KIAA1755: variants seen among roughly 807,000 people sequenced by gnomAD.
The protein encoded by KIAA1755 is KIAA1755.
A neutral mutation model predicts 91.7 loss-of-function variants in KIAA1755; 68 were observed. The ratio of observed to expected loss-of-function variants is 0.74; its 90% CI spans 0.61 to 0.91. The LOEUF is 0.91. KIAA1755 is among the 40% of genes least tolerant of loss of function. The pLI is 0.00. For synonymous variants in KIAA1755, 610 were observed against 604.6 expected, an observed-to-expected ratio of 1.01 and a Z score of -0.13; for missense variants, 1,535 against 1,494.4, an observed-to-expected ratio of 1.03 and a Z score of -0.45.
chr20:38,259,817 CCACCACACACACACACA>C (rs2076410521), intron 1 of KIAA1755, among the ~76,000 whole-genome samples: 1 of 116,236 alleles, frequency 8.6e-6, no homozygotes, highest in East Asian at 2.5e-4. Context: ...GCCACCACCA[CCACCACACACACACACA>C]CACACACACA....
intron 1 of KIAA1755, 113 bp downstream of exon 1, chr20:38,260,385 G>A: frequency 1.2e-6 from 2 of 1,602,112 alleles, no homozygotes; most frequent in Non-Finnish European, 1.7e-6. Context: ...AGGCACTGAG[G>A]GTCGTCTCAG....
Position 38,228,046 on chromosome 20 carries a change from TC to T in KIAA1755, c.1965+100del, listed in dbSNP as rs2075791942. 12 of 741,322 alleles carry T rather than the reference TC, an allele frequency of 1.6e-5. No individual in the cohort carries two copies. The Admixed American group carries it at 3.9e-4, about 24-fold the overall frequency. The allele number at this position is 741,322 out of a possible 1,614,324, so 45.9% of individuals were successfully genotyped here. A position where few individuals can be genotyped will look rare whatever the true frequency, so the allele number is the denominator to read the frequency against. On this transcript the variant is annotated intron_variant, in intron 6 of 13. Transcript: ENST00000279024. ...TGCAGTAAAAGTCCCTGCCTGAGAGTCCTGGTCCCAGCCTTAAGCACCCCCG... is the reference window on the plus strand; with the variant it reads ...TGCAGTAAAAGTCCCTGCCTGAGAGTCTGGTCCCAGCCTTAAGCACCCCCG...
At chr20:38,237,318 T>C (rs1247187723) in intron 4 of KIAA1755, among the ~76,000 whole-genome samples, 1 of 151,798 alleles carries the variant, frequency 6.6e-6, no homozygotes, top group African/African-American at 2.4e-5. Flanking sequence ...ACTAGCACCA[T>C]TGGGACCCCC....
intron 1 of KIAA1755, among the ~76,000 whole-genome samples, chr20:38,259,738 G>T (rs142312899): frequency 0.035 from 5,291 of 151,140 alleles, 138 homozygotes; most frequent in African/African-American, 0.063. Flanking sequence ...CTGGAGCTGG[G>T]CTGAAATCCT....
intron 7 of KIAA1755, among the ~76,000 whole-genome samples, chr20:38,226,847 G>A (rs2179429): frequency 0.035 from 5,377 of 152,256 alleles, 158 homozygotes; most frequent in Non-Finnish European, 0.053. Context: ...AAAGGGAGGA[G>A]GGATGGACCA....
intron 4 of KIAA1755, chr20:38,236,792 G>A (rs568501881): frequency 2.0e-4 from 31 of 152,332 alleles, no homozygotes; most frequent in African/African-American, 7.2e-4. Flanking sequence ...GTGGAAACAG[G>A]GAACACAGAC....
At position 38,245,912 on chromosome 20, in the gene KIAA1755, T is replaced by C; in HGVS notation, c.201+17A>G. Reference sequence around the variant, plus strand: ...TGGAACAGCTTGTTCCCTGTCCCTGTTTCCCTCTTGACTTACACAGGCTGC... The same window carrying C: ...TGGAACAGCTTGTTCCCTGTCCCTGCTTCCCTCTTGACTTACACAGGCTGC... On this transcript the variant is annotated intron_variant, in intron 2 of 13. Coordinates refer to ENST00000279024, the MANE Select transcript of KIAA1755 (RefSeq NM_001029864.2). 1.2e-6 allele frequency: 2 copies of C among 1,613,200 alleles called. No individual in the cohort carries two copies. The highest frequency in any genetic ancestry group is 1.7e-6 in the Non-Finnish European group (2 of 1,179,278).
Position 38,218,373 on chromosome 20 carries a change from C to T in KIAA1755, c.2557-7G>A, listed in dbSNP as rs2075591764. On this transcript the variant is annotated splice_region_variant and splice_polypyrimidine_tract_variant and intron_variant, in intron 11 of 13. Transcript: ENST00000279024. ...GCTCCATCCAGTCGCTGACCTGGGG[C>T]AGGAGAGGCAGATTTGGACATGAGG... 2 of 1,613,982 alleles carry T rather than the reference C, an allele frequency of 1.2e-6. No individual in the cohort carries two copies. The highest frequency in any genetic ancestry group is 2.2e-5 in the South Asian group (2 of 91,078).
chr20:38,229,726 T>C (rs2123147237), intron 5 of KIAA1755, among the ~76,000 whole-genome samples: 1 of 152,354 alleles, frequency 6.6e-6, no homozygotes, highest in African/African-American at 2.4e-5. Context: ...CTGCCACTTG[T>C]GCCCAGCTTG....
chr20:38,260,259 A>G, intron 1 of KIAA1755: 2 of 1,544,054 alleles, frequency 1.3e-6, no homozygotes, highest in Non-Finnish European at 1.7e-6. Context: ...GTTTACAAGT[A>G]CAATCTTACT....
Position 38,240,741 on chromosome 20 carries a change from G to C in KIAA1755, c.1390C>G (p.Pro464Ala), listed in dbSNP as rs778437214. 6.3e-7 allele frequency: 1 copy of C among 1,579,788 alleles called. No individual in the cohort carries two copies. The highest frequency in any genetic ancestry group is 1.2e-5 in the South Asian group (1 of 84,924). The change falls in exon 3 of 14, where the codon CCT becomes GCT. Residue 464 changes from proline to alanine, a missense_variant. Pro to Ala is a conservative substitution (Grantham distance 27). Coordinates refer to ENST00000279024, the MANE Select transcript of KIAA1755 (RefSeq NM_001029864.2). The part of the protein sequence containing the change: ...MPCPSRNTSS[P>A]EPPTPGLKFS... The stretch of plus-strand genomic sequence containing the variant: ...TTGAGCCCAGGAGTGGGGGGCTCAG[G>C]GGAGGAGGTGTTTCTGCTAGGGCAG...
intron 4 of KIAA1755, 69 bp from the exon 5 acceptor site, chr20:38,231,394 C>T (rs972768000): frequency 1.5e-5 from 22 of 1,474,460 alleles, no homozygotes; most frequent in Middle Eastern, 2.5e-4. Flanking sequence ...TCTCCTGTGG[C>T]CTGCAGACCT....
intron 13 of KIAA1755, 145 bp downstream of exon 13, chr20:38,217,108 G>T (rs1011139459): frequency 7.3e-6 from 5 of 685,430 alleles, no homozygotes; most frequent in Non-Finnish European, 1.3e-5. Flanking sequence ...CAAGTGGGTG[G>T]GGGGGGGCTG....
Position 38,225,800 on chromosome 20 carries a change from G to T in KIAA1755, c.2053-19C>A. 7.0e-7 allele frequency: 1 copy of T among 1,436,488 alleles called. No homozygotes were observed. Among genetic ancestry groups the T allele is most frequent in the Non-Finnish European group, 9.4e-7 (1 of 1,061,714 alleles). The allele number at this position is 1,436,488 out of a possible 1,614,324, so 89.0% of individuals were successfully genotyped here. On this transcript the variant is annotated intron_variant, in intron 7 of 13. Coordinates refer to ENST00000279024, the MANE Select transcript of KIAA1755 (RefSeq NM_001029864.2). ...CCTCCACCTGCAGACCAAAGAATCAGGAGAACCAGGGACTCAAAGTGAGGA... is the reference window on the plus strand; with the variant it reads ...CCTCCACCTGCAGACCAAAGAATCATGAGAACCAGGGACTCAAAGTGAGGA...
intron 13 of KIAA1755, among the ~76,000 whole-genome samples, chr20:38,214,525 C>T (rs1486485371): frequency 6.6e-6 from 1 of 152,228 alleles, no homozygotes; most frequent in Non-Finnish European, 1.5e-5. Context: ...GAGAAGAAAA[C>T]TGAGGCTCAG....
In KIAA1755 at chr20:38,212,923, G is replaced by A. The variant is rs114629999; in HGVS notation, c.*119C>T. Reference sequence around the variant, plus strand: ...CTCATCCTCCCAGCAGAGGCAGAATGTAAAACCAGTGCTCCATGGTGACGT... The same window carrying A: ...CTCATCCTCCCAGCAGAGGCAGAATATAAAACCAGTGCTCCATGGTGACGT... On this transcript the variant is annotated 3_prime_UTR_variant, in exon 14 of 14. Transcript: ENST00000279024. The A allele has an allele frequency of 1.8e-4, 140 of 763,064 alleles. No individual in the cohort carries two copies. The African/African-American group carries it at 2.1e-3, about 11-fold the overall frequency. 47.3% of individuals were successfully genotyped at this position (763,064 alleles called of 1,614,324 possible). A position where few individuals can be genotyped will look rare whatever the true frequency, so the allele number is the denominator to read the frequency against.
chr20:38,232,775 A>G (rs2075892351), intron 4 of KIAA1755, among the ~76,000 whole-genome samples: 1 of 152,020 alleles, frequency 6.6e-6, no homozygotes, highest in South Asian at 2.1e-4. Flanking sequence ...ATAAGAGGGG[A>G]GACTTGAACA....
chr20:38,235,249 G>A (rs2075940688), intron 4 of KIAA1755, among the ~76,000 whole-genome samples: 2 of 152,118 alleles, frequency 1.3e-5, no homozygotes, highest in South Asian at 4.1e-4. Context: ...TCAATCTCAG[G>A]GGCTCTGTTC....
chr20:38,258,226 G>A (rs2076373911), intron 1 of KIAA1755, among the ~76,000 whole-genome samples: 1 of 152,100 alleles, frequency 6.6e-6, no homozygotes. Flanking sequence ...TATGACAATG[G>A]ATACTGATTT....
Sources: allele counts gnomAD v4.1 joint callset (sites outside exome capture counted in the v4.1 genomes callset), GRCh38; gene constraint gnomAD v4.1.1; transcripts MANE v1.5; gene names NCBI Gene and HGNC (gene_info 2026-07-23, HGNC 2026-07-21).